The following KIAA1217 variants were observed in gnomAD, a reference collection of about 807,000 sequenced individuals.
The protein encoded by KIAA1217 is sickle tail protein homolog.
A neutral mutation model predicts 163.9 loss-of-function variants in KIAA1217; 88 were observed. The ratio of observed to expected loss-of-function variants is 0.54; its 90% confidence interval spans 0.45 to 0.64. KIAA1217 has a LOEUF of 0.64. KIAA1217 is among the 30% of genes least tolerant of loss of function. The pLI is 0.00. For synonymous variants in KIAA1217, 903 were observed against 923.1 expected (o/e 0.98, Z 0.39); for missense variants, 2,372 against 2,475.0 (o/e 0.96, Z 0.88).
chr10:24,220,446 C>CTTTTTTTTTTTTTTTTTTTTTTTTTTTTT (rs530992369), intron 2 of KIAA1217, among the ~76,000 whole-genome samples: 1 of 103,108 alleles, frequency 9.7e-6, no homozygotes, highest in African/African-American at 5.0e-5. Context: ...TTCTGCTCTT[C>CTTTTTTTTTTTTTTTTTTTTTTTTTTTTT]TTTTTTTTTT....
chr10:24,110,438 C>CATATTTAA, intron 2 of KIAA1217, among the ~76,000 whole-genome samples: 1 of 152,044 alleles, frequency 6.6e-6, no homozygotes, highest in East Asian at 1.9e-4. Flanking sequence ...ACAACAAAAA[C>CATATTTAA]ATACAAATTT....
chr10:24,285,193 G>A (rs761902934), intron 2 of KIAA1217, among the ~76,000 whole-genome samples: 5 of 152,138 alleles, frequency 3.3e-5, no homozygotes, highest in Admixed American at 6.5e-5. Flanking sequence ...TCAGCCTGTT[G>A]ATAGTATCTT....
intron 1 of KIAA1217, among the ~76,000 whole-genome samples, chr10:23,996,472 A>G (rs921122927): frequency 6.6e-6 from 1 of 151,916 alleles, no homozygotes; most frequent in Non-Finnish European, 1.5e-5. Flanking sequence ...AGAAACTGTT[A>G]TTTTCTTTTT....
At chr10:24,048,740 A>AT (rs1160366423) in intron 2 of KIAA1217, among the ~76,000 whole-genome samples, 9 of 139,948 alleles carry the variant, frequency 6.4e-5, no homozygotes, top group South Asian at 2.1e-4. Context: ...AAAAAAAAAA[A>AT]AAAATATATT....
chr10:24,271,215 T>G (rs1056713605), intron 2 of KIAA1217, among the ~76,000 whole-genome samples: 1 of 152,194 alleles, frequency 6.6e-6, no homozygotes. Context: ...TTGATTGACA[T>G]AAAATATGTC....
chr10:23,871,803 C>T (rs1840467965), intron 1 of KIAA1217, among the ~76,000 whole-genome samples: 1 of 152,032 alleles, frequency 6.6e-6, no homozygotes, highest in Admixed American at 6.6e-5. Flanking sequence ...AAATCAGTAG[C>T]AACTAAAACC....
intron 2 of KIAA1217, among the ~76,000 whole-genome samples, chr10:24,375,515 T>C (rs544948368): frequency 6.6e-6 from 1 of 152,220 alleles, no homozygotes; most frequent in Non-Finnish European, 1.5e-5. Context: ...TCCTGGAATT[T>C]TTAATAAAAG....
At position 24,054,784 on chromosome 10, in the gene KIAA1217, C is replaced by A. The variant is rs565182351; in HGVS notation, c.-171+47410C>A. Among the ~76,000 whole-genome samples, 4 of 152,232 alleles carry A rather than the reference C, an allele frequency of 2.6e-5. No individual in the cohort carries two copies. The South Asian group carries it at 6.2e-4, about 24-fold the overall frequency. On this transcript the variant is annotated intron_variant, in intron 2 of 18. Coordinates refer to the KIAA1217 transcript ENST00000376462. The stretch of plus-strand genomic sequence containing the variant: ...TAGCCTACTGCTCATAGGCTATAAA[C>A]CTGTACAGCAGATTACTGTACTGAA...
intron 2 of KIAA1217, among the ~76,000 whole-genome samples, chr10:24,180,944 T>C (rs1477081756): frequency 1.3e-5 from 2 of 152,240 alleles, no homozygotes; most frequent in Non-Finnish European, 2.9e-5. Flanking sequence ...GGTAGGGTCC[T>C]GATACTGATT....
rs538613160 is a variant in KIAA1217, at chr10:24,232,049, A to G, written c.354+12140A>G. ...CCTCAAGCAAATTCACCTGCCCTGG[A>G]TTCCCAAAGTGTTGGGATTACAGGC... is the stretch of plus-strand genomic sequence containing the variant. On this transcript the variant is annotated intron_variant, in intron 2 of 20. Transcript: ENST00000376454. Among the ~76,000 whole-genome samples the G allele has an allele frequency of 1.3e-3, 198 of 152,278 alleles. 1 individual carries two copies. Among genetic ancestry groups the G allele is most frequent in the African/African-American group, 4.6e-3 (192 of 41,554 alleles).
intron 2 of KIAA1217, among the ~76,000 whole-genome samples, chr10:24,370,333 C>T (rs140300673): frequency 8.0e-5 from 12 of 149,442 alleles, no homozygotes; most frequent in African/African-American, 3.0e-4. Context: ...AGCAAAATCT[C>T]GTAAGAAGAG....
At chr10:24,198,740 T>TCTACGGCTCAAAATCTACG (rs1443124969) in intron 2 of KIAA1217, among the ~76,000 whole-genome samples, 4 of 152,014 alleles carry the variant, frequency 2.6e-5, no homozygotes, top group Admixed American at 1.3e-4. Context: ...GTGCGACAAA[T>TCTACGGCTCAAAATCTACG]GTTCAAAAAT....
At chr10:23,963,051 C>T (rs1844884277) in intron 1 of KIAA1217, among the ~76,000 whole-genome samples, 1 of 152,122 alleles carries the variant, frequency 6.6e-6, no homozygotes, top group Non-Finnish European at 1.5e-5. Flanking sequence ...CATAGTGAAA[C>T]ATACAATATT....
At chr10:23,830,705 G>GATA in intron 1 of KIAA1217, among the ~76,000 whole-genome samples, 2 of 151,802 alleles carry the variant, frequency 1.3e-5, no homozygotes, top group Non-Finnish European at 2.9e-5. Context: ...TAGGTAGGTA[G>GATA]GTAGATAGAT....
In KIAA1217 at chr10:24,436,683, G is replaced by A. The variant is rs527800024; in HGVS notation, c.753-1703G>A. Among the ~76,000 whole-genome samples the A allele has an allele frequency of 2.2e-4, 32 of 147,920 alleles. No homozygotes were observed. The South Asian group carries it at 6.3e-3, about 29-fold the overall frequency. On this transcript the variant is annotated intron_variant, in intron 4 of 20. Coordinates refer to ENST00000376454, the MANE Select transcript of KIAA1217 (RefSeq NM_019590.5). Reference sequence around the variant, plus strand: ...TAAGGCAGGAGAATGCTGTGAACCCGGGAAGCGGAACTCACAGTGAGCCGA... The same window carrying A: ...TAAGGCAGGAGAATGCTGTGAACCCAGGAAGCGGAACTCACAGTGAGCCGA...
Position 24,436,659 on chromosome 10 carries a change from A to G in KIAA1217, c.753-1727A>G, listed in dbSNP as rs573683326. The stretch of plus-strand genomic sequence containing the variant: ...TGTAGTCCCAGCTGCTGGGGAGGCT[A>G]AGGCAGGAGAATGCTGTGAACCCGG... On this transcript the variant is annotated intron_variant, in intron 4 of 20. Coordinates refer to ENST00000376454, the MANE Select transcript of KIAA1217 (RefSeq NM_019590.5). Among the ~76,000 whole-genome samples, 165 of 148,218 alleles carry G rather than the reference A, an allele frequency of 1.1e-3. 1 individual carries two copies. The highest frequency in any genetic ancestry group is 1.1e-3 in the East Asian group (5 of 4,746).
At chr10:24,361,077 A>T (rs1554830166) in intron 2 of KIAA1217, among the ~76,000 whole-genome samples, 3 of 152,180 alleles carry the variant, frequency 2.0e-5, no homozygotes, top group Non-Finnish European at 1.5e-5. Flanking sequence ...CACATAGAAT[A>T]CTTGTGTTAA....
intron 1 of KIAA1217, among the ~76,000 whole-genome samples, chr10:23,795,711 G>T (rs1442900254): frequency 6.6e-6 from 1 of 152,134 alleles, no homozygotes; most frequent in Non-Finnish European, 1.5e-5. Context: ...CTCTCTTCGG[G>T]CCCATCAGGA....
At chr10:24,026,742 A>AT in intron 2 of KIAA1217, among the ~76,000 whole-genome samples, 5,513 of 69,970 alleles carry the variant, frequency 0.079, 238 homozygotes, top group Admixed American at 0.1. Context: ...TATTTCATTG[A>AT]TTTTTTTTTT....
Sources: gnomAD v4.1 joint callset for allele counts (sites outside exome capture counted in the v4.1 genomes callset) on GRCh38, gnomAD v4.1.1 for gene constraint, MANE v1.5 for transcripts, NCBI Gene and HGNC (gene_info 2026-07-23, HGNC 2026-07-21) for gene names.